The following PRKCE variants were observed in gnomAD, a reference collection of about 807,000 sequenced individuals.
PRKCE encodes protein kinase C epsilon type.
In PRKCE, 16 loss-of-function variants were observed where a neutral mutation model predicts 85.4. The ratio of observed to expected loss-of-function variants is 0.19; its 90% CI spans 0.13 to 0.28. The LOEUF (loss-of-function observed/expected upper bound fraction) is 0.28. PRKCE is among the 10% of genes least tolerant of loss of function. The pLI, the probability that PRKCE is intolerant of heterozygous loss-of-function variation, is 1.00. For synonymous variants in PRKCE, 388 were observed against 371.5 expected (o/e 1.04, Z -0.51); for missense variants, 573 against 975.2 (o/e 0.59, Z 5.49).
intron 2 of PRKCE, among the ~76,000 whole-genome samples, chr2:45,893,512 C>T (rs1338459471): frequency 1.3e-5 from 2 of 152,062 alleles, no homozygotes; most frequent in Non-Finnish European, 2.9e-5. Context: ...GGATTACAGG[C>T]ACCCGCCACC....
intron 11 of PRKCE, among the ~76,000 whole-genome samples, chr2:46,115,021 A>G (rs530348985): frequency 6.6e-6 from 1 of 152,336 alleles, no homozygotes; most frequent in African/African-American, 2.4e-5. Context: ...GGACAGTCCC[A>G]TGAAGGTGTC....
intron 11 of PRKCE, among the ~76,000 whole-genome samples, chr2:46,100,210 C>A (rs549870934): frequency 1.3e-5 from 2 of 152,222 alleles, no homozygotes; most frequent in South Asian, 4.2e-4. Flanking sequence ...AACAAGAGTG[C>A]CCCTGAGGAA....
At chr2:45,841,978 A>C (rs1691389501) in intron 1 of PRKCE, among the ~76,000 whole-genome samples, 1 of 152,212 alleles carries the variant, frequency 6.6e-6, no homozygotes, top group Admixed American at 6.5e-5. Context: ...TGGCACTATG[A>C]ACCAATGAAA....
intron 2 of PRKCE, among the ~76,000 whole-genome samples, chr2:45,871,961 G>A (rs1333981150): frequency 2.6e-5 from 4 of 152,148 alleles, no homozygotes; most frequent in Middle Eastern, 3.2e-3. Context: ...TACTGAGGAC[G>A]GAGTTAGTGT....
Position 45,775,749 on chromosome 2 carries a change from A to G in PRKCE, c.349-67251A>G, listed in dbSNP as rs539414918. Among the ~76,000 whole-genome samples, 18 of 152,204 alleles carry G rather than the reference A, an allele frequency of 1.2e-4. No individual in the cohort carries two copies. The South Asian group carries it at 3.3e-3, about 28-fold the overall frequency. The stretch of plus-strand genomic sequence containing the variant: ...GCCAGCATGATCCTCGGGTTACGTT[A>G]TTCTTCTGCTCAGAATCCCACAGTG... On this transcript the variant is annotated intron_variant, in intron 1 of 14. Coordinates refer to ENST00000306156, the MANE Select transcript of PRKCE (RefSeq NM_005400.3).
chr2:45,812,055 G>C (rs1040318284), intron 1 of PRKCE, among the ~76,000 whole-genome samples: 2 of 152,164 alleles, frequency 1.3e-5, no homozygotes, highest in Non-Finnish European at 2.9e-5. Flanking sequence ...GGAACCAAGA[G>C]TTAAGAAACC....
chr2:45,906,862 G>C (rs186113355), intron 2 of PRKCE, among the ~76,000 whole-genome samples: 1 of 152,246 alleles, frequency 6.6e-6, no homozygotes, highest in Non-Finnish European at 1.5e-5. Flanking sequence ...TTGATACTCA[G>C]AACATCTTCA....
chr2:46,062,746 T>C (rs1396010057), intron 10 of PRKCE, among the ~76,000 whole-genome samples: 1 of 131,802 alleles, frequency 7.6e-6, no homozygotes, highest in Non-Finnish European at 1.6e-5. Context: ...CCATCTCAGC[T>C]CACTGCAACC....
At chr2:45,806,959 T>G (rs1017928797) in intron 1 of PRKCE, among the ~76,000 whole-genome samples, 1 of 152,180 alleles carries the variant, frequency 6.6e-6, no homozygotes, top group African/African-American at 2.4e-5. Flanking sequence ...AGAGAGCCAC[T>G]GTGGGTAGAC....
chr2:46,103,429 C>A (rs916651636), intron 11 of PRKCE, among the ~76,000 whole-genome samples: 11 of 152,164 alleles, frequency 7.2e-5, no homozygotes, highest in Non-Finnish European at 1.0e-4. Context: ...GATGTCATTT[C>A]TTGTAGTCCC....
intron 1 of PRKCE, among the ~76,000 whole-genome samples, chr2:45,694,230 C>G (rs926820125): frequency 6.6e-6 from 1 of 151,128 alleles, no homozygotes; most frequent in Non-Finnish European, 1.5e-5. Context: ...GGTAAAATGT[C>G]TCATCTAGGA....
chr2:45,752,989 C>T (rs1420762004), intron 1 of PRKCE, among the ~76,000 whole-genome samples: 1 of 152,178 alleles, frequency 6.6e-6, no homozygotes, highest in Non-Finnish European at 1.5e-5. Context: ...ATGGAGCTTT[C>T]CTGCGGCACA....
chr2:45,822,597 G>A (rs886340907), intron 1 of PRKCE, among the ~76,000 whole-genome samples: 1 of 152,218 alleles, frequency 6.6e-6, no homozygotes, highest in Non-Finnish European at 1.5e-5. Context: ...TGGGCATAGA[G>A]AGCTTTGTGC....
chr2:45,771,738 A>T lies in PRKCE; in HGVS notation c.349-71262A>T, dbSNP rs199807538. On this transcript the variant is annotated intron_variant, in intron 1 of 14. Transcript: ENST00000306156. ...GTGTGTGTGTGTGTGTGTGTGTGTG[A>T]GTGTGTGTTGGGGGCTGGCTAACAC... 5.9e-3 allele frequency among the ~76,000 whole-genome samples: 449 copies of T among 76,304 alleles called. 2 individuals carry two copies. Among genetic ancestry groups the T allele is most frequent in the Admixed American group, 0.01 (72 of 7,154 alleles). The allele number at this position is 76,304 out of a possible 152,430, so 50.1% of individuals were successfully genotyped here. A position where few individuals can be genotyped will look rare whatever the true frequency, so the allele number is the denominator to read the frequency against.
At chr2:45,884,241 T>C (rs1420633076) in intron 2 of PRKCE, among the ~76,000 whole-genome samples, 1 of 152,216 alleles carries the variant, frequency 6.6e-6, no homozygotes, top group East Asian at 1.9e-4. Context: ...CTGGGCAAGT[T>C]ACTCAACCTC....
At chr2:45,962,207 G>A (rs1701430775) in intron 2 of PRKCE, among the ~76,000 whole-genome samples, 1 of 152,196 alleles carries the variant, frequency 6.6e-6, no homozygotes, top group Non-Finnish European at 1.5e-5. Context: ...AGGATGGAAG[G>A]TGAATTTTAG....
chr2:45,683,004 T>G (rs1677027116), intron 1 of PRKCE, among the ~76,000 whole-genome samples: 1 of 152,230 alleles, frequency 6.6e-6, no homozygotes, highest in Non-Finnish European at 1.5e-5. Context: ...GAAAAAAGAA[T>G]ATTGTACGTC....
At chr2:46,141,930 C>T (rs1329412593) in intron 11 of PRKCE, among the ~76,000 whole-genome samples, 1 of 152,118 alleles carries the variant, frequency 6.6e-6, no homozygotes, top group African/African-American at 2.4e-5. Flanking sequence ...GCCAGCAGGA[C>T]CCCAAAGTAG....
At chr2:45,698,121 G>A (rs11680901) in intron 1 of PRKCE, 23,433 of 152,568 alleles carry the variant, frequency 0.15, 1,987 homozygotes, top group African/African-American at 0.22. Flanking sequence ...TGCCACATGC[G>A]AATGTGGCTG....
Sources: allele counts gnomAD v4.1 joint callset (sites outside exome capture counted in the v4.1 genomes callset), GRCh38; gene constraint gnomAD v4.1.1; transcripts MANE v1.5; gene names NCBI Gene and HGNC (gene_info 2026-07-23, HGNC 2026-07-21).